Variants in POLE observed in about 807,000 individuals in gnomAD.
The protein encoded by POLE is DNA polymerase epsilon catalytic subunit A.
POLE carries 188 observed loss-of-function variants against 279.2 expected under a neutral mutation model. That is an observed-to-expected ratio of 0.67 (90% CI 0.60 to 0.76). POLE has a LOEUF of 0.76. POLE is among the 30% of genes least tolerant of loss of function. The pLI, the probability that POLE is intolerant of heterozygous loss-of-function variation, is 0.00. For synonymous variants in POLE, 1,214 were observed against 1,172.5 expected (o/e 1.04, Z -0.72); for missense variants, 2,703 against 3,016.7 (o/e 0.90, Z 2.44).
chr12:132,662,643 T>A (rs1196073673), intron 23 of POLE, among the ~76,000 whole-genome samples: 1 of 152,134 alleles, frequency 6.6e-6, no homozygotes, highest in East Asian at 1.9e-4. Flanking sequence ...ACATCATTCT[T>A]CTCGGAGAAC....
chr12:132,652,398 C>T (rs1019808139), intron 29 of POLE, among the ~76,000 whole-genome samples: 18 of 150,752 alleles, frequency 1.2e-4, no homozygotes, highest in Non-Finnish European at 4.4e-5. Context: ...CTTGGCTCAC[C>T]GCAGCCTCAA....
intron 29 of POLE, among the ~76,000 whole-genome samples, chr12:132,652,493 C>T (rs921093756): frequency 1.3e-5 from 2 of 151,372 alleles, no homozygotes; most frequent in African/African-American, 4.9e-5. Flanking sequence ...AATGTTGTGC[C>T]GGATTTTTTT....
intron 39 of POLE, among the ~76,000 whole-genome samples, chr12:132,640,213 C>T (rs970632841): frequency 1.3e-5 from 2 of 152,206 alleles, no homozygotes; most frequent in Non-Finnish European, 1.5e-5. Flanking sequence ...CCTTGCAGGA[C>T]CCAGGGATGG....
At chr12:132,657,304 C>T in intron 28 of POLE, 45 bp downstream of exon 28, 1 of 1,613,870 alleles carries the variant, frequency 6.2e-7, no homozygotes, top group South Asian at 1.1e-5. Flanking sequence ...TGTCTAACTG[C>T]ACAGTTTTTA....
chr12:132,639,161 C>T lies in POLE; in HGVS notation c.5516G>A (p.Arg1839His), dbSNP rs370512955. Residue 1839 changes from arginine to histidine, a missense_variant, in exon 40 of 49, where the codon CGC becomes CAC. By Grantham distance (29) the Arg-to-His change is conservative. Transcript: ENST00000320574. The surrounding 1 kb of genome is among the most constrained non-coding windows in gnomAD (Gnocchi z 4.7). ...SSLLHDPALH[R>H]TLHNMMKKLF... ...CTTCTTCATCATGTTGTGGAGTGTGCGGTGCAGGGCAGGGTCATGAAGCAG... is the reference window on the plus strand; with the variant it reads ...CTTCTTCATCATGTTGTGGAGTGTGTGGTGCAGGGCAGGGTCATGAAGCAG... 1.4e-5 allele frequency: 22 copies of T among 1,613,926 alleles called. No homozygotes were observed. The highest frequency in any genetic ancestry group is 1.2e-4 in the African/African-American group (9 of 74,894).
In POLE at chr12:132,661,694, AAG is replaced by A. The variant is rs2135949891; in HGVS notation, c.2707-12_2707-11del. 1 of 1,613,530 alleles carries A rather than the reference AAG, an allele frequency of 6.2e-7. No individual in the cohort carries two copies. The highest frequency in any genetic ancestry group is 8.5e-7 in the Non-Finnish European group (1 of 1,179,698). On this transcript the variant is annotated splice_polypyrimidine_tract_variant and intron_variant, in intron 23 of 48. Coordinates refer to ENST00000320574, the MANE Select transcript of POLE (RefSeq NM_006231.4). The surrounding 1 kb of genome is among the most constrained non-coding windows in gnomAD (Gnocchi z 4.1). ...CATTGGTGAAGCCTTCCTGAGAAACAAGAGTGAAGAGGGGGCAGCTTCACTCA... is the reference window on the plus strand; with the variant it reads ...CATTGGTGAAGCCTTCCTGAGAAACAAGTGAAGAGGGGGCAGCTTCACTCA...
chr12:132,659,341 G>A lies in POLE; in HGVS notation c.3229C>T (p.Arg1077Cys), dbSNP rs149777592. The change falls in exon 26 of 49, where the codon CGC (arginine) becomes TGC (cysteine). Residue 1077 changes from arginine to cysteine, a missense_variant. Coordinates refer to ENST00000320574, the MANE Select transcript of POLE (RefSeq NM_006231.4). ...TCGGGCTTGCGGGAGATGATGTAGC[G>A]GCAACTCAGCCCTGCATCCTTGACC... ...QMVKDAGLSCRYIISRKPEGS... is the reference protein window; with the variant it reads ...QMVKDAGLSCCYIISRKPEGS... 1.5e-4 allele frequency: 237 copies of A among 1,613,644 alleles called. No individual in the cohort carries two copies. Among genetic ancestry groups the A allele is most frequent in the Non-Finnish European group, 1.7e-4 (196 of 1,180,030 alleles).
At chr12:132,637,561 GTCAAAACCACACCAGGC>G (rs903919641) in intron 41 of POLE, among the ~76,000 whole-genome samples, 127 of 152,358 alleles carry the variant, frequency 8.3e-4, no homozygotes, top group African/African-American at 3.0e-3. Context: ...AAGGCAGGAA[GTCAAAACCACACCAGGC>G]TCTGACAGCT....
At chr12:132,641,426 A>C in intron 39 of POLE, 2 of 584,066 alleles carry the variant, frequency 3.4e-6, no homozygotes, top group Non-Finnish European at 6.1e-6. Flanking sequence ...GGCCACAGGG[A>C]GGTCAGAGGC....
At chr12:132,659,738 G>A in intron 25 of POLE, 1 of 514,562 alleles carries the variant, frequency 1.9e-6, no homozygotes, top group South Asian at 2.1e-5. Context: ...TGTCACCCAG[G>A]CTGGAGTGCA....
rs1158993649 is a variant in POLE at position 132,634,132 on chromosome 12, A to G, written c.6004+54T>C. 1.4e-6 allele frequency: 2 copies of G among 1,462,872 alleles called. No individual in the cohort carries two copies. The highest frequency in any genetic ancestry group is 2.8e-5 in the African/African-American group (2 of 71,318). 90.6% of individuals were successfully genotyped at this position (1,462,872 alleles called of 1,614,324 possible). A position where few individuals can be genotyped will look rare whatever the true frequency, so the allele number is the denominator to read the frequency against. On this transcript the variant is annotated intron_variant, in intron 43 of 48. Coordinates refer to ENST00000320574, the MANE Select transcript of POLE (RefSeq NM_006231.4). This position sits in a 1 kb window ranked among gnomAD's most constrained non-coding sequence, Gnocchi z 4.0. ...ATACCATGGCACAGGAGCCACATCT[A>G]CTAACCATGAGTCCCTTCAGTGGGG...
At position 132,639,078 on chromosome 12, in the gene POLE, G is replaced by C. The variant is rs2138507503; in HGVS notation, c.5552+47C>G. 2 of 1,563,936 alleles carry C rather than the reference G, an allele frequency of 1.3e-6. No homozygotes were observed. The highest frequency in any genetic ancestry group is 4.5e-5 in the East Asian group (2 of 44,508). On this transcript the variant is annotated intron_variant, in intron 40 of 48. Transcript: ENST00000320574. The surrounding 1 kb of genome is among the most constrained non-coding windows in gnomAD (Gnocchi z 4.7). ...TCTGGTTCTGGGGAGTAAGGGACCAGCCCAGCTGAGGACGCGGTGGACAGC... is the reference window on the plus strand; with the variant it reads ...TCTGGTTCTGGGGAGTAAGGGACCACCCCAGCTGAGGACGCGGTGGACAGC...
intron 43 of POLE, chr12:132,633,162 C>CCTTTTTTTTTTTTTTTTTTTTT (rs1212969194): frequency 1.4e-5 from 2 of 145,974 alleles, no homozygotes. Flanking sequence ...GGCACTTACC[C>CCTTTTTTTTTTTTTTTTTTTTT]TTTTTTTTTT....
intron 32 of POLE, among the ~76,000 whole-genome samples, chr12:132,646,839 C>T (rs1406509370): frequency 6.6e-6 from 1 of 151,534 alleles, no homozygotes; most frequent in East Asian, 2.0e-4. Context: ...TCAAAACAAA[C>T]AAACAAACAA....
chr12:132,672,771 G>T lies in POLE; in HGVS notation c.1542C>A (p.Ile514=). The change falls in exon 15 of 49, where the codon ATC becomes ATA. Residue 514 remains isoleucine (I), a synonymous_variant. Coordinates refer to ENST00000320574, the MANE Select transcript of POLE (RefSeq NM_006231.4). The stretch of plus-strand genomic sequence containing the variant: ...CCTGCTCTTGCTTGTTGGGGAAGAT[G>T]ATGTTGGCGTGGAAGGCCTGCACCA... ...LLMVQAFHAN[I]IFPNKQEQEF... 1 of 1,614,178 alleles carries T rather than the reference G, an allele frequency of 6.2e-7. No homozygotes were observed. Among genetic ancestry groups the T allele is most frequent in the Non-Finnish European group, 8.5e-7 (1 of 1,180,028 alleles).
At position 132,625,596 on chromosome 12, in the gene POLE, C is replaced by T. The variant is rs971196152; in HGVS notation, c.6657+49G>A. 1.1e-5 allele frequency: 18 copies of T among 1,602,616 alleles called. No individual in the cohort carries two copies. Among genetic ancestry groups the T allele is most frequent in the Non-Finnish European group, 1.4e-5 (17 of 1,175,596 alleles). On this transcript the variant is annotated intron_variant, in intron 47 of 48. Transcript: ENST00000320574. ...CCCGGCTCCCGGGAGTGCACAGAAA[C>T]CCCCCTGTGGACTCCAGGGCACACG...
At position 132,632,495 on chromosome 12, in the gene POLE, G is replaced by T. The variant is rs1555220911; in HGVS notation, c.6150C>A (p.Phe2050Leu). The change falls in exon 45 of 49, where the codon TTC (phenylalanine) becomes TTA (leucine). Residue 2050 changes from phenylalanine (F) to leucine (L), a missense_variant. By Grantham distance (22) the Phe-to-Leu change is conservative (BLOSUM62 0). Transcript: ENST00000320574. ...AVGALPGMIT[F>L]SQDYVANELT... is the part of the protein sequence containing the mutation. ...GCTCATTTGCGACATAATCCTGAGA[G>T]AAGGTGATCATTCCTGGAAGTATAA... 1 of 1,613,976 alleles carries T rather than the reference G, an allele frequency of 6.2e-7. No homozygotes were observed. The highest frequency in any genetic ancestry group is 1.3e-5 in the African/African-American group (1 of 74,926).
At chr12:132,641,900 C>T (rs905252912) in intron 38 of POLE, 49 bp from the exon 39 acceptor site, 2 of 1,566,784 alleles carry the variant, frequency 1.3e-6, no homozygotes, top group African/African-American at 1.3e-5. Context: ...AGCTCCAGCA[C>T]CACCAGCCCC....
chr12:132,677,287 C>G, intron 8 of POLE, 76 bp downstream of exon 8: 2 of 986,950 alleles, frequency 2.0e-6, no homozygotes, highest in South Asian at 2.6e-5. Flanking sequence ...GAGTCAGATT[C>G]ACTCTCCAGC....
Sources: allele counts gnomAD v4.1 joint callset (sites outside exome capture counted in the v4.1 genomes callset), GRCh38; gene constraint gnomAD v4.1.1; non-coding constraint Gnocchi (gnomAD v3.1); transcripts MANE v1.5; gene names NCBI Gene and HGNC (gene_info 2026-07-23, HGNC 2026-07-21).